The following WDR26 variants were observed in gnomAD, a reference collection of about 807,000 sequenced individuals.
The protein encoded by WDR26 is WD repeat-containing protein 26.
Under a neutral mutation model 84.1 loss-of-function variants are expected in WDR26, and 5 were observed. That is an observed-to-expected ratio of 0.06 (90% CI 0.03 to 0.13). The LOEUF (loss-of-function observed/expected upper bound fraction) is 0.13. Among genes scored for constraint, WDR26 ranks in the 10% least tolerant of loss-of-function variants. The pLI is 1.00. For missense variants in WDR26, 642 were observed against 974.9 expected (o/e 0.66, Z 4.55); for synonymous variants, 415 against 389.6 (o/e 1.07, Z -0.77).
At chr1:224,417,203 C>T (rs1673929759) in intron 6 of WDR26, among the ~76,000 whole-genome samples, 1 of 152,130 alleles carries the variant, frequency 6.6e-6, no homozygotes, top group African/African-American at 2.4e-5. Flanking sequence ...AGAAGTTCCT[C>T]GTTATTCCAA....
Position 224,393,838 on chromosome 1 carries a change from C to T in WDR26, c.2250G>A (p.Gln750=). The stretch of plus-strand genomic sequence containing the variant: ...ATACAAAGGTATTACCTTCAATATT[C>T]TGGTGGTCTATAAAAGGTGCTGGTC... The change falls in exon 13 of 14, where the codon CAG becomes CAA. Residue 750 remains glutamine (Q), a synonymous_variant. Transcript: ENST00000414423. The T allele has an allele frequency of 6.5e-7, 1 of 1,540,852 alleles. No individual in the cohort carries two copies. Among genetic ancestry groups the T allele is most frequent in the South Asian group, 1.2e-5 (1 of 83,742 alleles).
At chr1:224,418,115 A>G (rs894077915) in intron 6 of WDR26, 145 bp downstream of exon 6, 6 of 620,588 alleles carry the variant, frequency 9.7e-6, no homozygotes, top group African/African-American at 7.6e-5. Context: ...ATAATTTTCA[A>G]TTTTCATAGT....
chr1:224,424,806 A>G, intron 3 of WDR26, 152 bp from the exon 4 acceptor site: 3 of 901,318 alleles, frequency 3.3e-6, no homozygotes, highest in Non-Finnish European at 5.1e-6. Context: ...ATTTTAGTTT[A>G]GTAGAGCCAC....
At chr1:224,395,087 G>A (rs1673224778) in intron 12 of WDR26, among the ~76,000 whole-genome samples, 1 of 152,146 alleles carries the variant, frequency 6.6e-6, no homozygotes, top group Non-Finnish European at 1.5e-5. Flanking sequence ...ATGGGCTCTG[G>A]AATCAGACTA....
intron 7 of WDR26, among the ~76,000 whole-genome samples, chr1:224,407,149 A>AT (rs1269837626): frequency 2.2e-4 from 4 of 17,854 alleles, no homozygotes; most frequent in African/African-American, 2.2e-4. Flanking sequence ...AAAAAAAAAA[A>AT]AAATATATAT....
At chr1:224,393,693 T>C (rs932733222) in intron 13 of WDR26, 135 bp downstream of exon 13, 1 of 669,602 alleles carries the variant, frequency 1.5e-6, no homozygotes, top group Non-Finnish European at 2.2e-6. Flanking sequence ...TGGCCTGAGA[T>C]AGGGTACAAT....
At chr1:224,390,798 A>C (rs1473031662) in intron 13 of WDR26, among the ~76,000 whole-genome samples, 1 of 152,174 alleles carries the variant, frequency 6.6e-6, no homozygotes, top group Non-Finnish European at 1.5e-5. Flanking sequence ...AAAACAAAAA[A>C]AACAAAAGTG....
At chr1:224,398,492 G>C in intron 11 of WDR26, 23 bp downstream of exon 11, 1 of 1,569,788 alleles carries the variant, frequency 6.4e-7, no homozygotes. Context: ...AAATTTTTCA[G>C]AAAATTATAC....
intron 8 of WDR26, chr1:224,401,917 CTAAG>C (rs1673432848): frequency 1.3e-5 from 2 of 152,024 alleles, no homozygotes; most frequent in South Asian, 2.1e-4. Context: ...CGTGGCATTT[CTAAG>C]TAAGAATATT....
intron 4 of WDR26, among the ~76,000 whole-genome samples, chr1:224,422,881 TA>T (rs974475590): frequency 1.3e-5 from 2 of 152,158 alleles, no homozygotes; most frequent in African/African-American, 4.8e-5. Context: ...ATGTCAAAGT[TA>T]AAAGACAAAG....
At chr1:224,403,016 A>G (rs1673457776) in intron 8 of WDR26, among the ~76,000 whole-genome samples, 1 of 152,096 alleles carries the variant, frequency 6.6e-6, no homozygotes, top group East Asian at 1.9e-4. Flanking sequence ...TTACTTTCAA[A>G]TATTTTAGAT....
chr1:224,393,861 G>A lies in WDR26; in HGVS notation c.2227C>T (p.Pro743Ser). ...TTCTGGTGGTCTATAAAAGGTGCTG[G>A]TCCCCATATTCTAACAGTGCCATCA... Residue 743 changes from proline to serine, a missense_variant, in exon 13 of 14, where the codon CCA becomes TCA. This residue lies in a region of WDR26 where 351 missense variants were observed against 672.8 expected (regional missense o/e 0.52). Transcript: ENST00000414423. The A allele has an allele frequency of 1.9e-6, 3 of 1,567,648 alleles. No homozygotes were observed. Among genetic ancestry groups the A allele is most frequent in the Non-Finnish European group, 2.6e-6 (3 of 1,144,742 alleles).
chr1:224,395,831 G>A (rs1051232273), intron 12 of WDR26, among the ~76,000 whole-genome samples: 4 of 152,200 alleles, frequency 2.6e-5, no homozygotes, highest in Non-Finnish European at 5.9e-5. Context: ...TTATCATCAA[G>A]CTCTGTTTGC....
At chr1:224,393,404 C>T (rs183566237) in intron 13 of WDR26, among the ~76,000 whole-genome samples, 1 of 152,156 alleles carries the variant, frequency 6.6e-6, no homozygotes, top group East Asian at 1.9e-4. Context: ...TGCAAACAGA[C>T]GTTTACTTTT....
At position 224,398,143 on chromosome 1, in the gene WDR26, T is replaced by C. The variant is rs1334102838; in HGVS notation, c.2028A>G (p.Ser676=). Residue 676 remains serine, a synonymous_variant, in exon 12 of 14, where the codon TCA becomes TCG. Transcript: ENST00000414423. ...AGTCTTCATTATGGCCTCCAAAACA[T>C]GAATGAATTGTATAAAACCCTTGTG... 3.7e-6 allele frequency: 6 copies of C among 1,613,588 alleles called. No individual in the cohort carries two copies. The highest frequency in any genetic ancestry group is 4.2e-6 in the Non-Finnish European group (5 of 1,179,898).
intron 13 of WDR26, among the ~76,000 whole-genome samples, chr1:224,390,774 CAG>C: frequency 6.6e-6 from 1 of 151,822 alleles, no homozygotes; most frequent in South Asian, 2.1e-4. Flanking sequence ...CATCTCAAAA[CAG>C]AAACAAACAC....
chr1:224,399,474 T>C (rs1222894016), intron 9 of WDR26, among the ~76,000 whole-genome samples: 1 of 152,218 alleles, frequency 6.6e-6, no homozygotes, highest in Non-Finnish European at 1.5e-5. Flanking sequence ...AGGAATCTGT[T>C]AATGACATTT....
chr1:224,407,151 A>AAAAAAAAAAAAATATAT, intron 7 of WDR26, among the ~76,000 whole-genome samples: 2 of 11,868 alleles, frequency 1.7e-4, no homozygotes, highest in Non-Finnish European at 2.8e-4. Flanking sequence ...AAAAAAAAAA[A>AAAAAAAAAAAAATATAT]ATATATATAT....
rs148488238 is a variant in WDR26, at chr1:224,419,595, G to C, written c.1085C>G (p.Ala362Gly). 1 of 1,613,526 alleles carries C rather than the reference G, an allele frequency of 6.2e-7. No homozygotes were observed. Among genetic ancestry groups the C allele is most frequent in the Admixed American group, 1.7e-5 (1 of 59,992 alleles). Residue 362 changes from alanine (A) to glycine (G), a missense_variant, in exon 5 of 14, where the codon GCA (alanine) becomes GGA (glycine). Physicochemically the swap from Ala to Gly is moderately conservative, Grantham distance 60 (BLOSUM62 0). Coordinates refer to ENST00000414423, the MANE Select transcript of WDR26 (RefSeq NM_001379403.1). ...TTCTGCTTTTGCACGTAGGTCTTCTGCATGGCTACACATCAGATACCTAAA... is the reference window on the plus strand; with the variant it reads ...TTCTGCTTTTGCACGTAGGTCTTCTCCATGGCTACACATCAGATACCTAAA...
Sources: allele counts gnomAD v4.1 joint callset (sites outside exome capture counted in the v4.1 genomes callset), GRCh38; gene constraint gnomAD v4.1.1; regional missense constraint gnomAD v4.1.1; transcripts MANE v1.5; gene names NCBI Gene and HGNC (gene_info 2026-07-23, HGNC 2026-07-21).